The following CACNG8 variants were observed in gnomAD, a reference collection of about 807,000 sequenced individuals.
CACNG8 encodes voltage-dependent calcium channel gamma-8 subunit.
In CACNG8, 5 loss-of-function variants were observed where a neutral mutation model predicts 26.9. That is an observed-to-expected ratio of 0.19 (90% CI 0.10 to 0.39). The LOEUF (loss-of-function observed/expected upper bound fraction) is 0.39, where lower values mean the gene tolerates loss of function less well. CACNG8 is among the 10% of genes least tolerant of loss of function. The probability of loss-of-function intolerance (pLI) is 1.00; values close to 1 mark genes in which losing one functional copy is unlikely to be tolerated. For synonymous variants in CACNG8, 321 were observed against 296.7 expected (o/e 1.08, Z -0.84); for missense variants, 473 against 609.4 (o/e 0.78, Z 2.36).
rs186205874 is a variant in CACNG8 at position 53,978,421 on chromosome 19, G to T, written c.367+192G>T. ...CGATTGGCTGACTGATCTCGTTCCC[G>T]CCCCCTCCTCTCACCTTGGGGCGGG... On this transcript the variant is annotated intron_variant, in intron 2 of 3. Coordinates refer to ENST00000270458, the MANE Select transcript of CACNG8 (RefSeq NM_031895.6). 2.7e-3 allele frequency among the ~76,000 whole-genome samples: 407 copies of T among 152,184 alleles called. 2 individuals are homozygous for T. Among genetic ancestry groups the T allele is most frequent in the Non-Finnish European group, 2.9e-3 (197 of 68,000 alleles).
At chr19:53,977,858 C>T (rs927577885) in intron 1 of CACNG8, among the ~76,000 whole-genome samples, 4 of 152,232 alleles carry the variant, frequency 2.6e-5, no homozygotes, top group Non-Finnish European at 5.9e-5. Flanking sequence ...CTTAGCGCAG[C>T]TTACAGGACC....
At chr19:53,967,649 A>T (rs939586528) in intron 1 of CACNG8, among the ~76,000 whole-genome samples, 1 of 152,106 alleles carries the variant, frequency 6.6e-6, no homozygotes, top group Admixed American at 6.5e-5. Flanking sequence ...AGCCTGGCCA[A>T]CATGGTGAAA....
In CACNG8 at chr19:53,982,064, G is replaced by A; in HGVS notation, c.509-16G>A. The A allele has an allele frequency of 1.3e-6, 2 of 1,539,716 alleles. No homozygotes were observed. The highest frequency in any genetic ancestry group is 1.7e-6 in the Non-Finnish European group (2 of 1,144,730). ...GGGGGTGGCCTCGAGGCTCCCGTCT[G>A]ACCGTCCCCGCCCAGGCCTGAGCAA... is the stretch of plus-strand genomic sequence containing the variant. On this transcript the variant is annotated splice_polypyrimidine_tract_variant and intron_variant, in intron 3 of 3. Coordinates refer to ENST00000270458, the MANE Select transcript of CACNG8 (RefSeq NM_031895.6). This position sits in a 1 kb window ranked among gnomAD's most constrained non-coding sequence, Gnocchi z 8.4.
In CACNG8 at chr19:53,988,510, G is replaced by C. The variant is rs1346079465; in HGVS notation, c.*5661G>C. On this transcript the variant is annotated 3_prime_UTR_variant, in exon 4 of 4. Transcript: ENST00000270458. ...AGCTACTTGAGAGGCTGAAGCAGGA[G>C]AATCTCTTGGGCCCAGGAGGCAGAG... 2 of 151,568 alleles carry C rather than the reference G, an allele frequency of 1.3e-5. No homozygotes were observed. The highest frequency in any genetic ancestry group is 2.9e-5 in the Non-Finnish European group (2 of 68,056). 9.4% of individuals were successfully genotyped at this position (151,568 alleles called of 1,614,324 possible).
At chr19:53,978,448 T>C (rs2069343524) in intron 2 of CACNG8, among the ~76,000 whole-genome samples, 2 of 152,040 alleles carry the variant, frequency 1.3e-5, no homozygotes, top group Non-Finnish European at 1.5e-5. Context: ...TGGGGCGGGC[T>C]GAGGGAGGAT....
Position 53,963,179 on chromosome 19 carries a change from C to T in CACNG8, c.37C>T (p.Leu13Phe). The T allele has an allele frequency of 1.3e-6, 2 of 1,577,624 alleles. No homozygotes were observed. Among genetic ancestry groups the T allele is most frequent in the Non-Finnish European group, 1.7e-6 (2 of 1,164,266 alleles). The change falls in exon 1 of 4, where the codon CTC becomes TTC. Residue 13 changes from leucine to phenylalanine, a missense_variant. Physicochemically the swap from Leu to Phe is conservative, Grantham distance 22 (BLOSUM62 0). Coordinates refer to ENST00000270458, the MANE Select transcript of CACNG8 (RefSeq NM_031895.6). ...GAAGCGCTGGAACGAAGAGCGGGGCCTCTGGTGCGAGAAGGGGGTGCAGGT... is the reference window on the plus strand; with the variant it reads ...GAAGCGCTGGAACGAAGAGCGGGGCTTCTGGTGCGAGAAGGGGGTGCAGGT...
At chr19:53,977,172 A>C (rs1297231021) in intron 1 of CACNG8, among the ~76,000 whole-genome samples, 1 of 151,974 alleles carries the variant, frequency 6.6e-6, no homozygotes, top group Non-Finnish European at 1.5e-5. Context: ...CGGTGGGAGG[A>C]ATGAGTGTGC....
intron 1 of CACNG8, among the ~76,000 whole-genome samples, chr19:53,970,353 G>A (rs1312525181): frequency 6.8e-6 from 1 of 147,020 alleles, no homozygotes; most frequent in African/African-American, 2.5e-5. Flanking sequence ...GGATGGGCCA[G>A]TGGCTCACGC....
At chr19:53,972,967 G>T (rs931534776) in intron 1 of CACNG8, among the ~76,000 whole-genome samples, 3 of 152,108 alleles carry the variant, frequency 2.0e-5, no homozygotes, top group Non-Finnish European at 2.9e-5. Context: ...AACTCCCTAT[G>T]CCTCCATTTC....
At position 53,963,392 on chromosome 19, in the gene CACNG8, C is replaced by A; in HGVS notation, c.250C>A (p.His84Asn). 6.4e-7 allele frequency: 1 copy of A among 1,573,458 alleles called. No homozygotes were observed. The highest frequency in any genetic ancestry group is 8.6e-7 in the Non-Finnish European group (1 of 1,168,354). Residue 84 changes from histidine to asparagine, a missense_variant, in exon 1 of 4, where the codon CAC becomes AAC. By Grantham distance (68) the His-to-Asn change is moderately conservative. Around this residue, in one of 6 missense-constraint regions of CACNG8, gnomAD observed 69 missense variants for 66.7 expected, o/e 1.03. Coordinates refer to ENST00000270458, the MANE Select transcript of CACNG8 (RefSeq NM_031895.6). ...GAAGAAGGACCCCGGCGGCCTCACGCACTCGGGCCTCTGGAGGATCTGCTG... is the reference window on the plus strand; with the variant it reads ...GAAGAAGGACCCCGGCGGCCTCACGAACTCGGGCCTCTGGAGGATCTGCTG...
chr19:53,976,736 A>G (rs11881683), intron 1 of CACNG8, among the ~76,000 whole-genome samples: 95,013 of 151,588 alleles, frequency 0.63, 32,240 homozygotes, highest in African/African-American at 0.89. Context: ...GTAATGGTGC[A>G]GCCTTGGCTC....
chr19:53,977,727 T>C (rs990336866), intron 1 of CACNG8, among the ~76,000 whole-genome samples: 4 of 152,176 alleles, frequency 2.6e-5, no homozygotes, highest in African/African-American at 4.8e-5. Flanking sequence ...TTGTTTTTTT[T>C]CCCACGCATT....
At chr19:53,976,081 A>G (rs904843759) in intron 1 of CACNG8, among the ~76,000 whole-genome samples, 1 of 152,248 alleles carries the variant, frequency 6.6e-6, no homozygotes, top group African/African-American at 2.4e-5. Context: ...GCAGTGGCTC[A>G]TGCCTGTAGT....
Position 53,987,491 on chromosome 19 carries a change from GC to G in CACNG8, c.*4644del, listed in dbSNP as rs2145945543. On this transcript the variant is annotated 3_prime_UTR_variant, in exon 4 of 4. Transcript: ENST00000270458. ...TGTTGCCTTCCTCTGGTTGCTGGAG[GC>G]CTGGACCAAGGTGGAGTTAGTGGGA... The G allele has an allele frequency of 6.5e-6, 1 of 152,984 alleles. No homozygotes were observed. The highest frequency in any genetic ancestry group is 1.9e-4 in the East Asian group (1 of 5,196). 9.5% of individuals were successfully genotyped at this position (152,984 alleles called of 1,614,324 possible).
intron 1 of CACNG8, among the ~76,000 whole-genome samples, chr19:53,971,113 G>A (rs926249931): frequency 6.6e-6 from 1 of 151,720 alleles, no homozygotes; most frequent in Non-Finnish European, 1.5e-5. Context: ...CCAACATGGT[G>A]AAACCCCGTC....
In CACNG8 at chr19:53,963,041, C is replaced by T. The variant is rs555637372; in HGVS notation, c.-102C>T. 5.6e-6 allele frequency: 3 copies of T among 532,632 alleles called. No individual in the cohort carries two copies. Among genetic ancestry groups the T allele is most frequent in the South Asian group, 1.5e-4 (2 of 13,106 alleles). 33.0% of individuals were successfully genotyped at this position (532,632 alleles called of 1,614,324 possible). On this transcript the variant is annotated 5_prime_UTR_variant, in exon 1 of 4. Coordinates refer to ENST00000270458, the MANE Select transcript of CACNG8 (RefSeq NM_031895.6). ...CCCCAGCCCCGCCGGCCCCGGGCCC[C>T]CCGCTTCTGCCTGCGCTGTGAACCC...
At chr19:53,968,554 G>A (rs1214930313) in intron 1 of CACNG8, among the ~76,000 whole-genome samples, 1 of 151,594 alleles carries the variant, frequency 6.6e-6, no homozygotes, top group Non-Finnish European at 1.5e-5. Flanking sequence ...CGGATCACGA[G>A]GTCAGGAGTT....
Position 53,985,635 on chromosome 19 carries a change from TC to T in CACNG8, c.*2788del, listed in dbSNP as rs1054110541. ...AGGCAGGCAGATTGAGCTCAGGAGTTCCAGACCAGCCAACATATTGAAATCT... is the reference window on the plus strand; with the variant it reads ...AGGCAGGCAGATTGAGCTCAGGAGTTCAGACCAGCCAACATATTGAAATCT... On this transcript the variant is annotated 3_prime_UTR_variant, in exon 4 of 4. Transcript: ENST00000270458. 4 of 151,800 alleles carry T rather than the reference TC, an allele frequency of 2.6e-5. No individual in the cohort carries two copies. Among genetic ancestry groups the T allele is most frequent in the African/African-American group, 9.7e-5 (4 of 41,296 alleles). 9.4% of individuals were successfully genotyped at this position (151,800 alleles called of 1,614,324 possible). A position where few individuals can be genotyped will look rare whatever the true frequency, so the allele number is the denominator to read the frequency against.
At position 53,982,333 on chromosome 19, in the gene CACNG8, G is replaced by C; in HGVS notation, c.762G>C (p.Gly254=). 6.4e-7 allele frequency: 1 copy of C among 1,570,368 alleles called. No homozygotes were observed. The highest frequency in any genetic ancestry group is 1.2e-5 in the South Asian group (1 of 86,852). The change falls in exon 4 of 4, where the codon GGG becomes GGC. Residue 254 remains glycine, a synonymous_variant. Transcript: ENST00000270458. The surrounding 1 kb of genome is among the most constrained non-coding windows in gnomAD (Gnocchi z 8.4). Reference sequence around the variant, plus strand: ...GCGGGGGCGCGGGCGGCAGTGGCGGGAGCGGCCCCTCGGCCATCCTCCGTC... The same window carrying C: ...GCGGGGGCGCGGGCGGCAGTGGCGGCAGCGGCCCCTCGGCCATCCTCCGTC...
Sources: gnomAD v4.1 joint callset for allele counts (sites outside exome capture counted in the v4.1 genomes callset) on GRCh38, gnomAD v4.1.1 for gene constraint, gnomAD v4.1.1 regional missense constraint, Gnocchi (gnomAD v3.1) non-coding constraint, MANE v1.5 for transcripts, NCBI Gene and HGNC (gene_info 2026-07-23, HGNC 2026-07-21) for gene names.